The following SLC35F4 variants were observed in gnomAD, a reference collection of about 807,000 sequenced individuals.
SLC35F4 encodes chromosome 14 open reading frame 36.
SLC35F4 carries 24 observed loss-of-function variants against 44.2 expected under a neutral mutation model. The ratio of observed to expected loss-of-function variants is 0.54; its 90% CI spans 0.39 to 0.76. The LOEUF (loss-of-function observed/expected upper bound fraction) is 0.76, where lower values mean the gene tolerates loss of function less well. Ranked by LOEUF, SLC35F4 falls within the 30% of genes least tolerant of loss-of-function variation. SLC35F4 has a pLI of 0.00. For missense variants in SLC35F4, 562 were observed against 586.1 expected, an observed-to-expected ratio of 0.96 and a Z score of 0.42; for synonymous variants, 238 against 223.6, an observed-to-expected ratio of 1.06 and a Z score of -0.57.
chr14:57,565,001 T>C (rs1181334438), intron 7 of SLC35F4, among the ~76,000 whole-genome samples: 1 of 152,258 alleles, frequency 6.6e-6, no homozygotes, highest in Non-Finnish European at 1.5e-5. Flanking sequence ...ACATTCTCTG[T>C]GTTCTTTCGT....
intron 1 of SLC35F4, among the ~76,000 whole-genome samples, chr14:57,924,901 T>TG (rs2141060523): frequency 6.6e-6 from 1 of 152,062 alleles, no homozygotes; most frequent in African/African-American, 2.4e-5. Context: ...TGTGCCACAA[T>TG]GCCTGTTATT....
intron 1 of SLC35F4, among the ~76,000 whole-genome samples, chr14:57,971,152 C>A (rs1276514351): frequency 6.6e-6 from 1 of 152,206 alleles, no homozygotes; most frequent in African/African-American, 2.4e-5. Flanking sequence ...AGACTTGGTA[C>A]TTCTCTAACT....
intron 1 of SLC35F4, among the ~76,000 whole-genome samples, chr14:57,927,507 T>C (rs1480981268): frequency 1.3e-5 from 2 of 151,886 alleles, no homozygotes; most frequent in African/African-American, 4.8e-5. Context: ...TTTTTTTTTT[T>C]TGAGACAGAG....
chr14:57,670,597 G>C (rs2074482458), intron 1 of SLC35F4, among the ~76,000 whole-genome samples: 2 of 151,982 alleles, frequency 1.3e-5, no homozygotes, highest in Admixed American at 1.3e-4. Context: ...GTACCCAGTA[G>C]TCATTCAGGA....
At chr14:57,854,978 G>T (rs1886944357) in intron 1 of SLC35F4, among the ~76,000 whole-genome samples, 1 of 152,142 alleles carries the variant, frequency 6.6e-6, no homozygotes, top group African/African-American at 2.4e-5. Flanking sequence ...ATACAATTAT[G>T]GGTATGACCA....
chr14:57,728,357 T>C (rs2076255403), intron 1 of SLC35F4, among the ~76,000 whole-genome samples: 1 of 151,962 alleles, frequency 6.6e-6, no homozygotes, highest in Non-Finnish European at 1.5e-5. Flanking sequence ...TGTCTTTTGA[T>C]TATACTATTT....
intron 1 of SLC35F4, among the ~76,000 whole-genome samples, chr14:57,811,648 A>G (rs538695028): frequency 1.3e-5 from 2 of 152,360 alleles, no homozygotes; most frequent in South Asian, 4.1e-4. Flanking sequence ...AGATGGACAG[A>G]ACATTGCATA....
chr14:57,676,023 T>C (rs1005928557), intron 1 of SLC35F4, among the ~76,000 whole-genome samples: 4 of 151,812 alleles, frequency 2.6e-5, no homozygotes, highest in African/African-American at 9.7e-5. Context: ...GCAGAGTAAA[T>C]AGACAACCCA....
intron 1 of SLC35F4, among the ~76,000 whole-genome samples, chr14:57,682,937 C>T (rs1485007888): frequency 6.6e-6 from 1 of 152,116 alleles, no homozygotes; most frequent in Non-Finnish European, 1.5e-5. Context: ...ACACTTCATT[C>T]CACTCCCTAC....
At chr14:57,769,162 C>T (rs369118230) in intron 1 of SLC35F4, among the ~76,000 whole-genome samples, 1 of 152,112 alleles carries the variant, frequency 6.6e-6, no homozygotes, top group African/African-American at 2.4e-5. Context: ...AAGAACAATG[C>T]ACAGCTTTTC....
At chr14:57,722,077 T>C (rs901319605) in intron 1 of SLC35F4, among the ~76,000 whole-genome samples, 2 of 152,200 alleles carry the variant, frequency 1.3e-5, no homozygotes, top group Non-Finnish European at 2.9e-5. Context: ...TTGAGTTTTC[T>C]AATTTATATA....
intron 1 of SLC35F4, among the ~76,000 whole-genome samples, chr14:57,914,041 G>A (rs556908597): frequency 6.6e-6 from 1 of 152,356 alleles, no homozygotes; most frequent in East Asian, 1.9e-4. Flanking sequence ...GAAGTTGGAT[G>A]TAGTTATCTT....
chr14:57,655,010 A>T (rs995634831), intron 1 of SLC35F4, among the ~76,000 whole-genome samples: 12 of 151,904 alleles, frequency 7.9e-5, no homozygotes, highest in African/African-American at 2.7e-4. Flanking sequence ...GGGTGGCGTG[A>T]CTCCTCAGAG....
chr14:57,737,657 C>G (rs1257533524), intron 1 of SLC35F4, among the ~76,000 whole-genome samples: 1 of 152,202 alleles, frequency 6.6e-6, no homozygotes, highest in Non-Finnish European at 1.5e-5. Flanking sequence ...GACATATCCT[C>G]TCTCTAAATT....
chr14:57,580,482 C>A, intron 4 of SLC35F4: 1 of 351,428 alleles, frequency 2.8e-6, no homozygotes, highest in African/African-American at 2.2e-5. Flanking sequence ...ATCATAGTGG[C>A]ATGCCGGATT....
intron 1 of SLC35F4, among the ~76,000 whole-genome samples, chr14:57,650,620 T>C (rs1477084661): frequency 1.3e-5 from 2 of 152,172 alleles, no homozygotes; most frequent in African/African-American, 4.8e-5. Flanking sequence ...TCACCTATAC[T>C]TCACATAGTA....
chr14:57,928,850 CAAG>C (rs1369268152), intron 1 of SLC35F4, among the ~76,000 whole-genome samples: 2 of 152,096 alleles, frequency 1.3e-5, no homozygotes, highest in Admixed American at 6.5e-5. Flanking sequence ...CAAACTTCCT[CAAG>C]AAGAAGAAGA....
intron 1 of SLC35F4, among the ~76,000 whole-genome samples, chr14:57,797,251 G>T (rs1039345714): frequency 3.9e-5 from 6 of 152,128 alleles, no homozygotes; most frequent in African/African-American, 1.4e-4. Context: ...TGCCTGCTGG[G>T]CAATTTGCGG....
chr14:57,584,198 G>A (rs1247721641), intron 3 of SLC35F4, among the ~76,000 whole-genome samples: 1 of 151,918 alleles, frequency 6.6e-6, no homozygotes, highest in African/African-American at 2.4e-5. Context: ...ATTCACTTGA[G>A]GCAATTGAAT....
Sources: gnomAD v4.1 joint callset for allele counts (sites outside exome capture counted in the v4.1 genomes callset) on GRCh38, gnomAD v4.1.1 for gene constraint, MANE v1.5 for transcripts, NCBI Gene and HGNC (gene_info 2026-07-23, HGNC 2026-07-21) for gene names.